MAP2K6: variants seen among roughly 807,000 people sequenced by gnomAD.
MAP2K6 encodes mitogen-activated protein kinase kinase 6, also known as dual specificity mitogen-activated protein kinase kinase 6.
Under a neutral mutation model 53.7 loss-of-function variants are expected in MAP2K6, and 16 were observed. That is an observed-to-expected ratio of 0.30 (90% CI 0.20 to 0.45). The LOEUF (loss-of-function observed/expected upper bound fraction) is 0.45. MAP2K6 is among the 20% of genes least tolerant of loss of function. The probability of loss-of-function intolerance (pLI) is 1.00; values close to 1 mark genes in which losing one functional copy is unlikely to be tolerated. For missense variants in MAP2K6, 204 were observed against 411.9 expected, an observed-to-expected ratio of 0.50 and a Z score of 4.37; for synonymous variants, 132 against 143.1, an observed-to-expected ratio of 0.92 and a Z score of 0.55.
intron 1 of MAP2K6, among the ~76,000 whole-genome samples, chr17:69,460,741 C>T (rs1023981624): frequency 1.3e-5 from 2 of 152,182 alleles, no homozygotes; most frequent in African/African-American, 4.8e-5. Context: ...GCTGGAACTA[C>T]AGGGGTGTGC....
intron 1 of MAP2K6, among the ~76,000 whole-genome samples, chr17:69,491,812 TG>T (rs1004288720): frequency 6.6e-6 from 1 of 151,510 alleles, no homozygotes; most frequent in African/African-American, 2.4e-5. Flanking sequence ...ACCGTGGTTT[TG>T]ATTTGATTCA....
At chr17:69,431,708 G>A (rs1403377902) in intron 1 of MAP2K6, among the ~76,000 whole-genome samples, 1 of 152,064 alleles carries the variant, frequency 6.6e-6, no homozygotes, top group African/African-American at 2.4e-5. Context: ...CCCTCATTCG[G>A]CTTTTCTCTG....
At chr17:69,460,947 T>C (rs1907605345) in intron 1 of MAP2K6, among the ~76,000 whole-genome samples, 1 of 152,096 alleles carries the variant, frequency 6.6e-6, no homozygotes, top group Non-Finnish European at 1.5e-5. Context: ...ACCTGGAGAA[T>C]AGGTTGCCGT....
In MAP2K6 at chr17:69,505,856, C is replaced by G; in HGVS notation, c.83+10C>G. ...CTCAGACCAGTTCCACGTAAGTTGA[C>G]AAGACCATCATCTGAATCCAAATCC... On this transcript the variant is annotated intron_variant, in intron 2 of 11. Coordinates refer to ENST00000590474, the MANE Select transcript of MAP2K6 (RefSeq NM_002758.4). The G allele has an allele frequency of 1.2e-6, 2 of 1,611,292 alleles. No individual in the cohort carries two copies. Among genetic ancestry groups the G allele is most frequent in the Non-Finnish European group, 1.7e-6 (2 of 1,177,786 alleles).
intron 1 of MAP2K6, among the ~76,000 whole-genome samples, chr17:69,504,752 C>T (rs575362041): frequency 1.8e-4 from 28 of 152,264 alleles, no homozygotes; most frequent in African/African-American, 5.8e-4. Context: ...CAAAAGTATT[C>T]GAGCCAAATT....
chr17:69,460,075 G>A (rs1165874739), intron 1 of MAP2K6, among the ~76,000 whole-genome samples: 1 of 138,046 alleles, frequency 7.2e-6, no homozygotes, highest in Non-Finnish European at 1.5e-5. Context: ...TTCTTTTTAC[G>A]TATTCATCAG....
chr17:69,487,701 G>C (rs1256077045), intron 1 of MAP2K6, among the ~76,000 whole-genome samples: 2 of 152,166 alleles, frequency 1.3e-5, no homozygotes, highest in African/African-American at 4.8e-5. Context: ...ACAGGGTCTT[G>C]TTGTGTTGTT....
intron 1 of MAP2K6, among the ~76,000 whole-genome samples, chr17:69,427,275 T>A (rs187684764): frequency 2.6e-3 from 394 of 152,310 alleles, no homozygotes; most frequent in African/African-American, 9.0e-3. Context: ...TTACCTCAAG[T>A]AAAATAGTGT....
At position 69,505,775 on chromosome 17, in the gene MAP2K6, C is replaced by G. The variant is rs774348842; in HGVS notation, c.17-5C>G. 3 of 1,612,408 alleles carry G rather than the reference C, an allele frequency of 1.9e-6. No homozygotes were observed. Among genetic ancestry groups the G allele is most frequent in the Non-Finnish European group, 2.5e-6 (3 of 1,178,576 alleles). ...TTAACTTTTTCCTTTTGTCTTTCCC[C>G]ATAGGCAAGAAGCGAAACCCTGGCC... On this transcript the variant is annotated splice_polypyrimidine_tract_variant and splice_region_variant and intron_variant, in intron 1 of 11. Transcript: ENST00000590474.
chr17:69,431,650 ACTCC>A (rs769542294), intron 1 of MAP2K6, among the ~76,000 whole-genome samples: 7 of 151,522 alleles, frequency 4.6e-5, no homozygotes, highest in Non-Finnish European at 8.8e-5. Flanking sequence ...GCATTCTCTG[ACTCC>A]CTCCCTCTTT....
At chr17:69,534,264 G>A (rs569067610) in intron 10 of MAP2K6, among the ~76,000 whole-genome samples, 2 of 152,092 alleles carry the variant, frequency 1.3e-5, no homozygotes, top group East Asian at 1.9e-4. Flanking sequence ...GGAGTTACAC[G>A]GACTCATTCA....
intron 1 of MAP2K6, among the ~76,000 whole-genome samples, chr17:69,488,127 A>T (rs150582982): frequency 0.017 from 2,623 of 152,318 alleles, 38 homozygotes; most frequent in Non-Finnish European, 0.025. Flanking sequence ...AAATAACCTC[A>T]TTAAAAAGTG....
At position 69,550,786 on chromosome 17, in the gene MAP2K6, C is replaced by T. The variant is rs559338030; in HGVS notation, c.*9033C>T. ...AGAATATCTGGCTTCTAGTATTGTTCCTTTTAACTGGAAGTCTCTGTGGCC... is the reference window on the plus strand; with the variant it reads ...AGAATATCTGGCTTCTAGTATTGTTTCTTTTAACTGGAAGTCTCTGTGGCC... On this transcript the variant is annotated 3_prime_UTR_variant, in exon 12 of 12. Transcript: ENST00000590474. 3.9e-4 allele frequency: 60 copies of T among 152,216 alleles called. No individual in the cohort carries two copies. Among genetic ancestry groups the T allele is most frequent in the African/African-American group, 1.4e-3 (58 of 41,540 alleles). 9.4% of individuals were successfully genotyped at this position (152,216 alleles called of 1,614,324 possible).
chr17:69,446,153 C>T (rs1342150572), intron 1 of MAP2K6, among the ~76,000 whole-genome samples: 2 of 152,156 alleles, frequency 1.3e-5, no homozygotes, highest in African/African-American at 4.8e-5. Flanking sequence ...ACTTTTATTG[C>T]TGTAGTCTCT....
In MAP2K6 at chr17:69,546,624, G is replaced by C. The variant is rs1375840952; in HGVS notation, c.*4871G>C. The C allele has an allele frequency of 2.0e-5, 3 of 152,176 alleles. No individual in the cohort carries two copies. In the East Asian group the frequency reaches 5.8e-4, roughly 29 times the overall value. The allele number at this position is 152,176 out of a possible 1,614,324, so 9.4% of individuals were successfully genotyped here. A position where few individuals can be genotyped will look rare whatever the true frequency, so the allele number is the denominator to read the frequency against. On this transcript the variant is annotated 3_prime_UTR_variant, in exon 12 of 12. Transcript: ENST00000590474. ...TAATTTCCTACCCAAATGCTGTTTT[G>C]GCTGTGTTACTCCCTCTGCCCTCGA...
At chr17:69,422,235 A>G (rs1598253373) in intron 1 of MAP2K6, among the ~76,000 whole-genome samples, 2 of 145,244 alleles carry the variant, frequency 1.4e-5, no homozygotes. Context: ...AGTTTCAAGC[A>G]ATTCTCCTGC....
At chr17:69,459,791 A>G (rs180781637) in intron 1 of MAP2K6, among the ~76,000 whole-genome samples, 1 of 151,980 alleles carries the variant, frequency 6.6e-6, no homozygotes, top group African/African-American at 2.4e-5. Context: ...CTTTCTTAAA[A>G]AAAAAATTTT....
intron 1 of MAP2K6, among the ~76,000 whole-genome samples, chr17:69,463,779 A>T (rs1275416776): frequency 6.6e-6 from 1 of 152,052 alleles, no homozygotes; most frequent in African/African-American, 2.4e-5. Context: ...ACAATTTGGG[A>T]GGCCGAGGTG....
At chr17:69,505,605 C>G (rs1909425554) in intron 1 of MAP2K6, 175 bp from the exon 2 acceptor site, 3 of 603,740 alleles carry the variant, frequency 5.0e-6, no homozygotes, top group Non-Finnish European at 6.0e-6. Context: ...GAAGCTCTGT[C>G]CTACCTGGTG....
Sources: allele counts gnomAD v4.1 joint callset (sites outside exome capture counted in the v4.1 genomes callset), GRCh38; gene constraint gnomAD v4.1.1; transcripts MANE v1.5; gene names NCBI Gene and HGNC (gene_info 2026-07-23, HGNC 2026-07-21).